The following PHF24 variants were observed in gnomAD, a reference collection of about 807,000 sequenced individuals.
The protein encoded by PHF24 is PHD finger protein 24.
Under a neutral mutation model 42.6 loss-of-function variants are expected in PHF24, and 25 were observed. The observed-to-expected ratio is 0.59, with a 90% CI of 0.43 to 0.82. The LOEUF is 0.82. PHF24 is among the 40% of genes least tolerant of loss of function. The pLI is 0.00. For synonymous variants in PHF24, 185 were observed against 204.8 expected (o/e 0.90, Z 0.83); for missense variants, 470 against 538.1 (o/e 0.87, Z 1.25).
At chr9:34,866,173 A>G in the PHF24 span, among the ~76,000 whole-genome samples, 1 of 152,176 alleles carries the variant, frequency 6.6e-6, no homozygotes. Flanking sequence ...CTAAACAAAT[A>G]CTTTAAGCAT....
chr9:34,909,624 CTTT>C, the PHF24 span, among the ~76,000 whole-genome samples: 2 of 144,196 alleles, frequency 1.4e-5, no homozygotes. Context: ...AGAAGAAATC[CTTT>C]TTTTTTTTTT....
chr9:34,711,593 A>G, the PHF24 span, among the ~76,000 whole-genome samples: 11 of 145,702 alleles, frequency 7.5e-5, no homozygotes, highest in African/African-American at 2.8e-4. Context: ...CCCAGGCTGG[A>G]GTGCAGTGGC....
the PHF24 span, among the ~76,000 whole-genome samples, chr9:34,939,564 A>G: frequency 0.036 from 5,495 of 152,222 alleles, 160 homozygotes; most frequent in Non-Finnish European, 0.05. Context: ...GAGGAGTCCT[A>G]TGTTTCATAA....
At chr9:34,721,762 C>T in the PHF24 span, among the ~76,000 whole-genome samples, 1 of 152,188 alleles carries the variant, frequency 6.6e-6, no homozygotes, top group South Asian at 2.1e-4. Flanking sequence ...CCATCATTCA[C>T]CTGAGGCTGC....
the PHF24 span, among the ~76,000 whole-genome samples, chr9:34,859,516 T>G: frequency 6.6e-6 from 1 of 152,192 alleles, no homozygotes; most frequent in Non-Finnish European, 1.5e-5. Context: ...TCTAGACCTT[T>G]GACTGTTTTC....
intron 1 of PHF24, among the ~76,000 whole-genome samples, chr9:34,966,618 T>G (rs1236196411): frequency 1.3e-5 from 2 of 151,488 alleles, no homozygotes; most frequent in African/African-American, 4.9e-5. Context: ...AATAATTAAA[T>G]CATTTTTTCT....
At chr9:34,801,570 A>G in the PHF24 span, among the ~76,000 whole-genome samples, 6 of 152,254 alleles carry the variant, frequency 3.9e-5, no homozygotes, top group East Asian at 3.9e-4. Flanking sequence ...TACTAAAAAT[A>G]CAAAAAACTA....
chr9:34,874,060 T>A, the PHF24 span, among the ~76,000 whole-genome samples: 1 of 152,200 alleles, frequency 6.6e-6, no homozygotes, highest in Non-Finnish European at 1.5e-5. Context: ...CCTGAGACTT[T>A]GCTGAAGTTG....
the PHF24 span, among the ~76,000 whole-genome samples, chr9:34,846,296 T>G: frequency 2.0e-4 from 31 of 152,132 alleles, no homozygotes; most frequent in Non-Finnish European, 2.5e-4. Context: ...CCATTCTAAC[T>G]GGTGTGAGAT....
chr9:34,796,729 A>T, the PHF24 span, among the ~76,000 whole-genome samples: 1 of 152,240 alleles, frequency 6.6e-6, no homozygotes, highest in African/African-American at 2.4e-5. Context: ...AAGATAGCAC[A>T]GCCACTCTGT....
the PHF24 span, among the ~76,000 whole-genome samples, chr9:34,806,272 G>A: frequency 6.6e-6 from 1 of 152,016 alleles, no homozygotes. Flanking sequence ...GGGATTCTGG[G>A]AGGCATTGTT....
chr9:34,796,388 A>G, the PHF24 span, among the ~76,000 whole-genome samples: 4 of 150,872 alleles, frequency 2.7e-5, no homozygotes, highest in Admixed American at 6.7e-5. Context: ...TCAAAATAAA[A>G]TTTCTTCATT....
the PHF24 span, among the ~76,000 whole-genome samples, chr9:34,809,080 A>G: frequency 6.6e-6 from 1 of 151,696 alleles, no homozygotes; most frequent in East Asian, 1.9e-4. The surrounding 1 kb of genome is among the most constrained non-coding windows in gnomAD (Gnocchi z 4.1). Flanking sequence ...TTTAAAAACC[A>G]TAGTAAATAC....
the PHF24 span, among the ~76,000 whole-genome samples, chr9:34,931,647 C>T: frequency 4.6e-5 from 7 of 152,182 alleles, no homozygotes; most frequent in South Asian, 2.1e-4. Flanking sequence ...GGTCCTGCTG[C>T]GCAAGTGCTT....
the PHF24 span, chr9:34,832,738 G>A: frequency 6.5e-7 from 1 of 1,548,584 alleles, no homozygotes; most frequent in Non-Finnish European, 8.7e-7. Flanking sequence ...TGTAAAACTT[G>A]GCATTGCAAA....
the PHF24 span, chr9:34,709,197 T>C: frequency 3.0e-6 from 2 of 677,534 alleles, no homozygotes. Flanking sequence ...CCTGGCCTGC[T>C]GTGGGCAGCT....
At chr9:34,832,862 A>G in the PHF24 span, 1 of 1,551,660 alleles carries the variant, frequency 6.4e-7, no homozygotes, top group South Asian at 1.2e-5. Context: ...TTCAAGGATG[A>G]CAGTTAGCTT....
At chr9:34,847,702 G>C in the PHF24 span, among the ~76,000 whole-genome samples, 2 of 151,906 alleles carry the variant, frequency 1.3e-5, no homozygotes, top group African/African-American at 4.8e-5. Context: ...AATGCTTCCA[G>C]TTTTTGCCCA....
chr9:34,903,674 C>T, the PHF24 span, among the ~76,000 whole-genome samples: 1 of 152,256 alleles, frequency 6.6e-6, no homozygotes, highest in Non-Finnish European at 1.5e-5. Flanking sequence ...TAGTTCTTCT[C>T]ATCAGGTGTG....
Sources: gnomAD v4.1 joint callset for allele counts (sites outside exome capture counted in the v4.1 genomes callset) on GRCh38, gnomAD v4.1.1 for gene constraint, Gnocchi (gnomAD v3.1) non-coding constraint, MANE v1.5 for transcripts, NCBI Gene and HGNC (gene_info 2026-07-23, HGNC 2026-07-21) for gene names.